The following HECTD2 variants were observed in gnomAD, a reference collection of about 807,000 sequenced individuals.
HECTD2 encodes the protein probable E3 ubiquitin-protein ligase HECTD2.
Under a neutral mutation model 103.2 loss-of-function variants are expected in HECTD2, and 35 were observed. The ratio of observed to expected loss-of-function variants is 0.34; its 90% confidence interval spans 0.26 to 0.45. The LOEUF is 0.45. HECTD2 is among the 20% of genes least tolerant of loss of function. The probability of loss-of-function intolerance (pLI) is 1.00; values close to 1 mark genes in which losing one functional copy is unlikely to be tolerated. For missense variants in HECTD2, 596 were observed against 937.4 expected (o/e 0.64, Z 4.76); for synonymous variants, 281 against 329.9 (o/e 0.85, Z 1.61).
chr10:91,455,563 G>C (rs1445667648), intron 2 of HECTD2, among the ~76,000 whole-genome samples: 1 of 152,092 alleles, frequency 6.6e-6, no homozygotes, highest in Non-Finnish European at 1.5e-5. Flanking sequence ...CTGTGCAGAA[G>C]CTCTTTAGTT....
chr10:91,490,229 T>C (rs1846415203), intron 11 of HECTD2, among the ~76,000 whole-genome samples: 1 of 136,702 alleles, frequency 7.3e-6, no homozygotes, highest in Non-Finnish European at 1.5e-5. Flanking sequence ...TCCTACTTTC[T>C]TCAGTGTACC....
At chr10:91,484,294 C>G in intron 8 of HECTD2, 4 of 1,117,084 alleles carry the variant, frequency 3.6e-6, no homozygotes, top group Non-Finnish European at 5.1e-6. Flanking sequence ...TTGTTACTAA[C>G]TTTATAGTAA....
chr10:91,444,726 G>A (rs1462921704), intron 2 of HECTD2, among the ~76,000 whole-genome samples: 2 of 150,162 alleles, frequency 1.3e-5, no homozygotes, highest in African/African-American at 2.5e-5. Flanking sequence ...CCATGGTGAT[G>A]AGGGATTAAT....
At chr10:91,469,272 C>G (rs1307804839) in intron 5 of HECTD2, among the ~76,000 whole-genome samples, 1 of 152,112 alleles carries the variant, frequency 6.6e-6, no homozygotes. Flanking sequence ...CTGCAATATG[C>G]AAGATGACCA....
chr10:91,410,189 G>C (rs570734829), upstream of HECTD2: 1 of 151,900 alleles, frequency 6.6e-6, no homozygotes, highest in Non-Finnish European at 1.5e-5. Context: ...GCCCCGGGCG[G>C]GCGGGGGAGG....
At chr10:91,434,160 GTCTT>G (rs981149186) in intron 2 of HECTD2, among the ~76,000 whole-genome samples, 1 of 151,070 alleles carries the variant, frequency 6.6e-6, no homozygotes, top group Non-Finnish European at 1.5e-5. Context: ...TTTTTTTCCT[GTCTT>G]TCTTCCTTTC....
Position 91,492,369 on chromosome 10 carries a change from C to T in HECTD2, c.1317C>T (p.Ala439=), listed in dbSNP as rs769640220. The T allele has an allele frequency of 1.1e-5, 18 of 1,612,606 alleles. No homozygotes were observed. In the East Asian group the frequency reaches 1.8e-4, roughly 16 times the overall value. Residue 439 remains alanine, a synonymous_variant, in exon 13 of 21, where the codon GCC becomes GCT. Transcript: ENST00000298068. ...DSLDELTRKR[A]DLKKKLKVTF... ...TCAAATAGCTAACCCGGAAAAGAGC[C>T]GATTTGAAAAAGAAGTTAAAAGTTA...
chr10:91,409,737 G>A (rs756431313), upstream of HECTD2, among the ~76,000 whole-genome samples: 1 of 152,170 alleles, frequency 6.6e-6, no homozygotes, highest in African/African-American at 2.4e-5. Context: ...TCCCCGGGCT[G>A]CGCAAGCTCC....
chr10:91,465,587 T>C (rs930025718), intron 5 of HECTD2, among the ~76,000 whole-genome samples: 1 of 151,886 alleles, frequency 6.6e-6, no homozygotes, highest in Non-Finnish European at 1.5e-5. Flanking sequence ...ATGTTCTTCA[T>C]CAAGTTGAGG....
chr10:91,411,829 C>G (rs761283869), intron 1 of HECTD2, among the ~76,000 whole-genome samples: 3 of 152,192 alleles, frequency 2.0e-5, no homozygotes, highest in Non-Finnish European at 2.9e-5. Flanking sequence ...AGACCTGGTT[C>G]CTGCTGCTGG....
intron 2 of HECTD2, among the ~76,000 whole-genome samples, chr10:91,437,189 G>T (rs1460072754): frequency 6.6e-6 from 1 of 151,912 alleles, no homozygotes; most frequent in African/African-American, 2.4e-5. Flanking sequence ...GTGGAGATCA[G>T]TGGGGAAAGC....
chr10:91,489,547 C>G (rs748972642), intron 11 of HECTD2: 2 of 152,138 alleles, frequency 1.3e-5, no homozygotes, highest in African/African-American at 2.4e-5. Context: ...GGAGTAGCTA[C>G]TAATCTTGTT....
chr10:91,504,075 T>C (rs1346721774), intron 20 of HECTD2, among the ~76,000 whole-genome samples: 1 of 152,048 alleles, frequency 6.6e-6, no homozygotes, highest in Non-Finnish European at 1.5e-5. Context: ...TCCTGTCTGT[T>C]AGAAGGAAAA....
chr10:91,505,359 T>C (rs999677365), intron 20 of HECTD2, among the ~76,000 whole-genome samples: 111 of 152,232 alleles, frequency 7.3e-4, no homozygotes, highest in African/African-American at 2.6e-3. Context: ...CCCATCAGTG[T>C]GCTGTATTCA....
intron 5 of HECTD2, among the ~76,000 whole-genome samples, chr10:91,467,146 G>A (rs769955174): frequency 3.3e-5 from 5 of 152,026 alleles, no homozygotes; most frequent in Admixed American, 6.5e-5. Flanking sequence ...AGCTCCTGTG[G>A]AAAGGGTGAG....
chr10:91,461,772 C>T (rs570606277), intron 4 of HECTD2, among the ~76,000 whole-genome samples: 1 of 152,262 alleles, frequency 6.6e-6, no homozygotes, highest in South Asian at 2.1e-4. Context: ...TGGTCTCGAA[C>T]TCCCGACCTC....
chr10:91,436,424 A>G (rs1844121541), intron 2 of HECTD2, among the ~76,000 whole-genome samples: 1 of 151,958 alleles, frequency 6.6e-6, no homozygotes, highest in African/African-American at 2.4e-5. Flanking sequence ...GGGGCAGGGT[A>G]AGTATTCTGT....
At chr10:91,475,122 T>G (rs1410445083) in intron 5 of HECTD2, among the ~76,000 whole-genome samples, 1 of 152,218 alleles carries the variant, frequency 6.6e-6, no homozygotes, top group Non-Finnish European at 1.5e-5. Flanking sequence ...ATTGAGTGTT[T>G]TCGGCAGGGA....
chr10:91,460,312 G>A, intron 2 of HECTD2, 115 bp from the exon 3 acceptor site: 1 of 948,620 alleles, frequency 1.1e-6, no homozygotes, highest in Non-Finnish European at 1.5e-6. Flanking sequence ...ATCTCAAAGT[G>A]AATGTAATAC....
Sources: allele counts gnomAD v4.1 joint callset (sites outside exome capture counted in the v4.1 genomes callset), GRCh38; gene constraint gnomAD v4.1.1; transcripts MANE v1.5; gene names NCBI Gene and HGNC (gene_info 2026-07-23, HGNC 2026-07-21).